Variants in RTL4 observed in about 807,000 individuals in gnomAD.
RTL4 encodes the protein retrotransposon Gag-like protein 4.
A neutral mutation model predicts 5.3 loss-of-function variants in RTL4; 4 were observed. The observed-to-expected ratio is 0.75, with a 90% CI of 0.37 to 1.72. The LOEUF (loss-of-function observed/expected upper bound fraction) is 1.72. Ranked by LOEUF, RTL4 falls within the 40% of genes most tolerant of loss-of-function variation. RTL4 has a pLI of 0.04. For synonymous variants in RTL4, 98 were observed against 87.3 expected (o/e 1.12, Z -0.68); for missense variants, 260 against 227.1 (o/e 1.14, Z -0.93).
the RTL4 span, among the ~76,000 whole-genome samples, chrX:112,106,913 A>G: frequency 8.9e-6 from 1 of 111,965 alleles, no homozygotes; most frequent in Non-Finnish European, 1.9e-5. Context: ...TATTCTGGAT[A>G]TTAATGCCTT....
the RTL4 span, among the ~76,000 whole-genome samples, chrX:112,140,196 G>A: frequency 9.0e-6 from 1 of 111,321 alleles, no homozygotes; most frequent in African/African-American, 3.3e-5. Flanking sequence ...GTTTTTTTAA[G>A]AACTTCTTTA....
the RTL4 span, among the ~76,000 whole-genome samples, chrX:112,327,163 T>A: frequency 1.2e-4 from 14 of 112,283 alleles, no homozygotes; most frequent in Admixed American, 1.9e-4. Flanking sequence ...GGAGAATGAC[T>A]TTGACGAGCT....
At chrX:112,159,908 TC>T in the RTL4 span, among the ~76,000 whole-genome samples, 1 of 110,930 alleles carries the variant, frequency 9.0e-6, no homozygotes, top group African/African-American at 3.3e-5. Flanking sequence ...TATAAATACT[TC>T]CTGTCCTCCA....
chrX:112,432,181 C>T, the RTL4 span, among the ~76,000 whole-genome samples: 1 of 105,144 alleles, frequency 9.5e-6, no homozygotes, highest in Non-Finnish European at 2.0e-5. Flanking sequence ...AATAGTGCCA[C>T]AATAAACATA....
chrX:112,245,817 T>C, the RTL4 span, among the ~76,000 whole-genome samples: 1 of 112,559 alleles, frequency 8.9e-6, no homozygotes, highest in Non-Finnish European at 1.9e-5. Flanking sequence ...CTCTGGTTTC[T>C]CCCCATCTTT....
chrX:112,327,133 G>C, the RTL4 span, among the ~76,000 whole-genome samples: 29 of 112,485 alleles, frequency 2.6e-4, no homozygotes, highest in Admixed American at 5.6e-4. Flanking sequence ...TTCCTCACCA[G>C]CAACGGAACA....
At chrX:112,216,013 T>A in the RTL4 span, among the ~76,000 whole-genome samples, 1 of 111,774 alleles carries the variant, frequency 8.9e-6, no homozygotes, top group Admixed American at 9.6e-5. Context: ...GCACGTTGTA[T>A]CTGTCAAATG....
the RTL4 span, among the ~76,000 whole-genome samples, chrX:112,119,482 G>A: frequency 9.0e-6 from 1 of 111,286 alleles, no homozygotes; most frequent in South Asian, 3.8e-4. Flanking sequence ...CCTTACACAT[G>A]AGAATGTGTA....
At chrX:112,122,242 A>C in the RTL4 span, among the ~76,000 whole-genome samples, 1 of 112,195 alleles carries the variant, frequency 8.9e-6, no homozygotes, top group African/African-American at 3.2e-5. Flanking sequence ...ATGGAGTAGT[A>C]TTCAGCCATA....
At chrX:112,161,288 G>A in the RTL4 span, among the ~76,000 whole-genome samples, 36 of 111,696 alleles carry the variant, frequency 3.2e-4, no homozygotes, top group Non-Finnish European at 6.4e-4. Flanking sequence ...GTATGTAAAG[G>A]AGTTTGCTGA....
the RTL4 span, among the ~76,000 whole-genome samples, chrX:112,176,648 T>G: frequency 8.9e-6 from 1 of 112,143 alleles, no homozygotes; most frequent in Non-Finnish European, 1.9e-5. Context: ...AATTGGGATA[T>G]CCATCACCTC....
At chrX:112,206,731 C>T in the RTL4 span, among the ~76,000 whole-genome samples, 14 of 111,689 alleles carry the variant, frequency 1.3e-4, no homozygotes, top group South Asian at 5.3e-3. Flanking sequence ...CTCTAGTACT[C>T]CAGACACCTT....
chrX:112,308,381 A>C, the RTL4 span, among the ~76,000 whole-genome samples: 1 of 111,514 alleles, frequency 9.0e-6, no homozygotes, highest in African/African-American at 3.3e-5. Context: ...TATCAAAGGA[A>C]AACACATGGC....
chrX:112,418,162 A>G, the RTL4 span, among the ~76,000 whole-genome samples: 2 of 111,571 alleles, frequency 1.8e-5, no homozygotes, highest in South Asian at 7.6e-4. Context: ...AAACAAATAA[A>G]CAAATAAAAT....
the RTL4 span, among the ~76,000 whole-genome samples, chrX:112,167,048 G>T: frequency 9.0e-6 from 1 of 111,091 alleles, no homozygotes; most frequent in Admixed American, 9.6e-5. Context: ...CTATCTTTGT[G>T]TACCTAACAG....
chrX:112,237,452 C>T, the RTL4 span, among the ~76,000 whole-genome samples: 115 of 112,166 alleles, frequency 1.0e-3, no homozygotes, highest in Non-Finnish European at 1.6e-3. Context: ...TTTCTTGAAG[C>T]TGAATGGCCT....
At chrX:112,166,020 T>A in the RTL4 span, among the ~76,000 whole-genome samples, 14 of 112,455 alleles carry the variant, frequency 1.2e-4, no homozygotes, top group Non-Finnish European at 2.6e-4. Context: ...ATTGACTTGC[T>A]GACACCTCCT....
chrX:112,303,745 C>G, the RTL4 span, among the ~76,000 whole-genome samples: 2 of 96,837 alleles, frequency 2.1e-5, no homozygotes, highest in Non-Finnish European at 4.1e-5. Flanking sequence ...TACCCTAAAA[C>G]TTAAAGTATA....
At chrX:112,305,210 C>T in the RTL4 span, among the ~76,000 whole-genome samples, 34 of 105,715 alleles carry the variant, frequency 3.2e-4, no homozygotes, top group African/African-American at 1.1e-3. Flanking sequence ...CTTGCTCTGT[C>T]GCAGTGGCTC....
Sources: gnomAD v4.1 joint callset for allele counts (sites outside exome capture counted in the v4.1 genomes callset) on GRCh38, gnomAD v4.1.1 for gene constraint, MANE v1.5 for transcripts, NCBI Gene and HGNC (gene_info 2026-07-23, HGNC 2026-07-21) for gene names.